The following KAT6B variants were observed in gnomAD, a reference collection of about 807,000 sequenced individuals.
The protein encoded by KAT6B is lysine acetyltransferase 6B.
A neutral mutation model predicts 187.5 loss-of-function variants in KAT6B; 10 were observed. That is an observed-to-expected ratio of 0.05 (90% CI 0.03 to 0.09). The LOEUF is 0.09. Among genes scored for constraint, KAT6B ranks in the 10% least tolerant of loss-of-function variants. The pLI is 1.00. For missense variants in KAT6B, 1,952 were observed against 2,558.9 expected (o/e 0.76, Z 5.12); for synonymous variants, 861 against 926.8 (o/e 0.93, Z 1.29).
chr10:75,023,184 T>C (rs1845568835), intron 16 of KAT6B, among the ~76,000 whole-genome samples: 1 of 152,260 alleles, frequency 6.6e-6, no homozygotes, highest in African/African-American at 2.4e-5. Flanking sequence ...AGATCTGATA[T>C]CTTTGTCTTC....
chr10:74,892,031 T>C (rs905773206), intron 3 of KAT6B, among the ~76,000 whole-genome samples: 3 of 152,206 alleles, frequency 2.0e-5, no homozygotes, highest in African/African-American at 4.8e-5. Context: ...GCTTAGCCTG[T>C]TGACTGCTTC....
chr10:74,834,290 G>A (rs937335266), intron 1 of KAT6B, among the ~76,000 whole-genome samples: 3 of 150,500 alleles, frequency 2.0e-5, no homozygotes, highest in Non-Finnish European at 3.0e-5. Context: ...CACCACCTCC[G>A]GGGTTCAAGC....
intron 3 of KAT6B, among the ~76,000 whole-genome samples, chr10:74,956,399 T>C (rs886371484): frequency 6.6e-6 from 1 of 152,210 alleles, no homozygotes; most frequent in African/African-American, 2.4e-5. Context: ...TTCCCCATGG[T>C]AATTAATACA....
At chr10:74,881,666 T>C (rs1844860670) in intron 3 of KAT6B, among the ~76,000 whole-genome samples, 1 of 152,106 alleles carries the variant, frequency 6.6e-6, no homozygotes, top group Non-Finnish European at 1.5e-5. Flanking sequence ...TGGAGATTGA[T>C]TGATTGAGAT....
chr10:74,842,068 T>C (rs1468750419), intron 2 of KAT6B, among the ~76,000 whole-genome samples: 3 of 152,208 alleles, frequency 2.0e-5, no homozygotes, highest in African/African-American at 2.4e-5. Flanking sequence ...GAGGGTATCA[T>C]AGACCTCTGT....
At chr10:74,983,050 T>C (rs1168394934) in intron 11 of KAT6B, 4 of 152,174 alleles carry the variant, frequency 2.6e-5, no homozygotes. Flanking sequence ...AAACTCCAGT[T>C]GTGTCTTATG....
At chr10:74,955,994 A>G (rs1201685063) in intron 3 of KAT6B, among the ~76,000 whole-genome samples, 1 of 151,868 alleles carries the variant, frequency 6.6e-6, no homozygotes, top group African/African-American at 2.4e-5. Context: ...TGCAATCACG[A>G]CTCATTGCAG....
At chr10:74,978,114 C>G (rs1242479268) in intron 9 of KAT6B, among the ~76,000 whole-genome samples, 2 of 152,182 alleles carry the variant, frequency 1.3e-5, no homozygotes, top group African/African-American at 4.8e-5. Flanking sequence ...AACCCCACTT[C>G]CTGTTTTGTG....
At chr10:74,905,599 A>G (rs1846699682) in intron 3 of KAT6B, among the ~76,000 whole-genome samples, 1 of 152,170 alleles carries the variant, frequency 6.6e-6, no homozygotes. Flanking sequence ...TCAGTCTGCC[A>G]GACTCTGTTT....
chr10:74,850,422 C>T (rs1842406357), intron 3 of KAT6B, among the ~76,000 whole-genome samples: 2 of 152,208 alleles, frequency 1.3e-5, no homozygotes, highest in Admixed American at 1.3e-4. Flanking sequence ...CATTCCGATG[C>T]ATGACTGCTA....
At chr10:74,844,036 G>A (rs1841934332) in intron 3 of KAT6B, among the ~76,000 whole-genome samples, 1 of 151,790 alleles carries the variant, frequency 6.6e-6, no homozygotes, top group Non-Finnish European at 1.5e-5. Context: ...ACCACACCTG[G>A]CTAATTTTTG....
intron 3 of KAT6B, among the ~76,000 whole-genome samples, chr10:74,875,115 G>A (rs1371084258): frequency 1.3e-5 from 2 of 152,180 alleles, no homozygotes; most frequent in Admixed American, 6.5e-5. Context: ...AAAATATTTT[G>A]TATTAGATAA....
Position 75,031,279 on chromosome 10 carries a change from T to C in KAT6B, c.*233T>C. Reference sequence around the variant, plus strand: ...TACCTTCATTTCTGTTACTTTTATATAAAATTCTCTGCAAAGGAAGGCCTC... The same window carrying C: ...TACCTTCATTTCTGTTACTTTTATACAAAATTCTCTGCAAAGGAAGGCCTC... On this transcript the variant is annotated 3_prime_UTR_variant, in exon 18 of 18. Coordinates refer to ENST00000287239, the MANE Select transcript of KAT6B (RefSeq NM_012330.4). 1 of 533,248 alleles carries C rather than the reference T, an allele frequency of 1.9e-6. No homozygotes were observed. The highest frequency in any genetic ancestry group is 3.3e-5 in the East Asian group (1 of 30,398). The allele number at this position is 533,248 out of a possible 1,614,324, so 33.0% of individuals were successfully genotyped here. A position where few individuals can be genotyped will look rare whatever the true frequency, so the allele number is the denominator to read the frequency against.
intron 3 of KAT6B, among the ~76,000 whole-genome samples, chr10:74,918,588 C>T (rs1234652966): frequency 6.6e-6 from 1 of 151,890 alleles, no homozygotes; most frequent in Admixed American, 6.6e-5. Context: ...TCAAAAAATA[C>T]AAAAATTAGC....
At chr10:75,016,310 A>T (rs1361358650) in intron 13 of KAT6B, among the ~76,000 whole-genome samples, 2 of 152,204 alleles carry the variant, frequency 1.3e-5, no homozygotes, top group Non-Finnish European at 2.9e-5. Flanking sequence ...GGTGAGGCAC[A>T]CTCGGGTTCC....
chr10:75,018,016 A>G (rs1323103085), intron 13 of KAT6B, among the ~76,000 whole-genome samples: 1 of 152,194 alleles, frequency 6.6e-6, no homozygotes, highest in African/African-American at 2.4e-5. Context: ...GGAGAGGGAA[A>G]AACCCACTGC....
chr10:74,896,621 A>T (rs1846011672), intron 3 of KAT6B, among the ~76,000 whole-genome samples: 1 of 152,234 alleles, frequency 6.6e-6, no homozygotes, highest in Non-Finnish European at 1.5e-5. Flanking sequence ...TATGGGTAGA[A>T]AGAAAGAGCA....
intron 4 of KAT6B, 83 bp downstream of exon 4, chr10:74,960,161 A>T (rs575570412): frequency 1.1e-6 from 1 of 946,828 alleles, no homozygotes; most frequent in African/African-American, 1.6e-5. Context: ...TTAAAACTGT[A>T]TTGTTATTTA....
intron 3 of KAT6B, among the ~76,000 whole-genome samples, chr10:74,950,492 T>G (rs1441566524): frequency 6.6e-6 from 1 of 152,180 alleles, no homozygotes; most frequent in Non-Finnish European, 1.5e-5. Context: ...TCCCTACTTT[T>G]AGAGTTAGTG....
Sources: gnomAD v4.1 joint callset for allele counts (sites outside exome capture counted in the v4.1 genomes callset) on GRCh38, gnomAD v4.1.1 for gene constraint, MANE v1.5 for transcripts, NCBI Gene and HGNC (gene_info 2026-07-23, HGNC 2026-07-21) for gene names.